GRM7: variants seen among roughly 807,000 people sequenced by gnomAD.
GRM7 encodes glutamate metabotropic receptor 7, also known as metabotropic glutamate receptor 7.
Under a neutral mutation model 84.5 loss-of-function variants are expected in GRM7, and 35 were observed. The observed-to-expected ratio is 0.41, with a 90% CI of 0.32 to 0.55. GRM7 has a LOEUF of 0.55. Among genes scored for constraint, GRM7 ranks in the 20% least tolerant of loss-of-function variants. The pLI, the probability that GRM7 is intolerant of heterozygous loss-of-function variation, is 0.19. For missense variants in GRM7, 1,003 were observed against 1,194.6 expected (o/e 0.84, Z 2.36); for synonymous variants, 487 against 455.1 (o/e 1.07, Z -0.89).
intron 2 of GRM7, among the ~76,000 whole-genome samples, chr3:7,273,807 T>A (rs542503977): frequency 6.6e-6 from 1 of 152,032 alleles, no homozygotes; most frequent in African/African-American, 2.4e-5. Flanking sequence ...TTGTTTTTGA[T>A]CCATTCTGAC....
intron 1 of GRM7, among the ~76,000 whole-genome samples, chr3:7,080,157 C>A (rs538508580): frequency 1.3e-5 from 2 of 151,998 alleles, no homozygotes; most frequent in African/African-American, 4.8e-5. Context: ...ACTGTCTTTC[C>A]CCCAGAAAAC....
chr3:7,404,182 G>T (rs976212454), intron 4 of GRM7, among the ~76,000 whole-genome samples: 60 of 152,222 alleles, frequency 3.9e-4, no homozygotes, highest in African/African-American at 1.3e-3. Context: ...CTATGTCAGG[G>T]ATAACTTCCT....
intron 7 of GRM7, among the ~76,000 whole-genome samples, chr3:7,465,715 CA>C (rs1698435577): frequency 6.6e-6 from 1 of 152,006 alleles, no homozygotes; most frequent in Non-Finnish European, 1.5e-5. Flanking sequence ...TTTCAATTCT[CA>C]GTTACATCAT....
chr3:6,882,207 T>C (rs549144447), intron 1 of GRM7, among the ~76,000 whole-genome samples: 4 of 152,226 alleles, frequency 2.6e-5, no homozygotes, highest in African/African-American at 7.2e-5. Flanking sequence ...AATGATGAAT[T>C]TGTGGAAAAT....
chr3:7,397,957 G>A (rs1695283069), intron 4 of GRM7, among the ~76,000 whole-genome samples: 1 of 152,092 alleles, frequency 6.6e-6, no homozygotes, highest in Admixed American at 6.6e-5. Flanking sequence ...CCAAAACGTG[G>A]ATGCACCCAA....
At chr3:7,249,318 A>C (rs960598178) in intron 2 of GRM7, among the ~76,000 whole-genome samples, 1 of 152,184 alleles carries the variant, frequency 6.6e-6, no homozygotes, top group Non-Finnish European at 1.5e-5. Flanking sequence ...CGTAAATGCT[A>C]GTGTACCATC....
At chr3:7,334,625 C>G (rs1701334232) in intron 4 of GRM7, among the ~76,000 whole-genome samples, 1 of 152,012 alleles carries the variant, frequency 6.6e-6, no homozygotes, top group Non-Finnish European at 1.5e-5. Flanking sequence ...TACAGAATGG[C>G]AGAACAGATT....
intron 5 of GRM7, among the ~76,000 whole-genome samples, chr3:7,436,672 CT>C (rs1280011148): frequency 6.6e-6 from 1 of 152,198 alleles, no homozygotes; most frequent in Non-Finnish European, 1.5e-5. Context: ...TACAATCAAA[CT>C]GCAAACTTGC....
chr3:7,284,070 C>G (rs974162216), intron 2 of GRM7, among the ~76,000 whole-genome samples: 6 of 152,104 alleles, frequency 3.9e-5, no homozygotes, highest in Non-Finnish European at 5.9e-5. Context: ...CTTAATTTGT[C>G]TCAATTGCAG....
chr3:6,982,049 T>A (rs1176133774), intron 1 of GRM7, among the ~76,000 whole-genome samples: 1 of 152,120 alleles, frequency 6.6e-6, no homozygotes, highest in Non-Finnish European at 1.5e-5. Context: ...TCAACCTAGG[T>A]ACCCATCAAC....
intron 2 of GRM7, among the ~76,000 whole-genome samples, chr3:7,270,644 G>A (rs911512757): frequency 6.6e-6 from 1 of 152,118 alleles, no homozygotes; most frequent in African/African-American, 2.4e-5. Context: ...TTGAAGACCA[G>A]CAGCTTCAGC....
rs1314405146 is a variant in GRM7 at position 7,644,136 on chromosome 3, GTATATATA to G, written c.2452-35911_2452-35904del. ...CTGTGCATGTTGTGTGTGTGTGTGT[GTATATATA>G]TGTCTGTACGTATATATATATATGT... On this transcript the variant is annotated intron_variant, in intron 8 of 9. Coordinates refer to ENST00000357716, the MANE Select transcript of GRM7 (RefSeq NM_000844.4). 3.5e-4 allele frequency among the ~76,000 whole-genome samples: 49 copies of G among 140,064 alleles called. 1 individual carries two copies. Among genetic ancestry groups the G allele is most frequent in the African/African-American group, 7.8e-4 (28 of 35,734 alleles). The allele number at this position is 140,064 out of a possible 152,430, so 91.9% of individuals were successfully genotyped here. A position where few individuals can be genotyped will look rare whatever the true frequency, so the allele number is the denominator to read the frequency against.
At chr3:7,111,665 C>T (rs567423827) in intron 1 of GRM7, among the ~76,000 whole-genome samples, 4 of 152,138 alleles carry the variant, frequency 2.6e-5, no homozygotes, top group Admixed American at 6.6e-5. Context: ...TGATTATTGC[C>T]GTTTGTTTTC....
intron 6 of GRM7, among the ~76,000 whole-genome samples, chr3:7,459,404 C>G (rs1698147655): frequency 6.6e-6 from 1 of 152,058 alleles, no homozygotes; most frequent in African/African-American, 2.4e-5. Flanking sequence ...GGGTTCAGGG[C>G]ATGTATTAAT....
Position 7,741,148 on chromosome 3 carries a change from A to C in GRM7, c.*742A>C, listed in dbSNP as rs1181007705. The C allele has an allele frequency of 6.6e-6, 1 of 152,598 alleles. No homozygotes were observed. Among genetic ancestry groups the C allele is most frequent in the Non-Finnish European group, 1.5e-5 (1 of 68,032 alleles). The allele number at this position is 152,598 out of a possible 1,614,324, so 9.5% of individuals were successfully genotyped here. On this transcript the variant is annotated 3_prime_UTR_variant, in exon 10 of 10. Transcript: ENST00000357716. ...ATAGAGGTCTTGATCTTTGGAATGC[A>C]TGCCAGTAATGTATTTTACAGTACA... is the stretch of plus-strand genomic sequence containing the variant.
chr3:7,465,692 T>C (rs1191730198), intron 7 of GRM7, among the ~76,000 whole-genome samples: 3 of 152,076 alleles, frequency 2.0e-5, no homozygotes, highest in Admixed American at 1.3e-4. Flanking sequence ...CTCACAAAGA[T>C]TCATGGGTAC....
intron 4 of GRM7, among the ~76,000 whole-genome samples, chr3:7,316,573 A>G (rs1488497359): frequency 6.6e-6 from 1 of 152,196 alleles, no homozygotes; most frequent in African/African-American, 2.4e-5. Context: ...GAAAAAATAT[A>G]TAAGAATGAC....
intron 9 of GRM7, among the ~76,000 whole-genome samples, chr3:7,731,639 G>A (rs1039614315): frequency 7.9e-5 from 12 of 152,176 alleles, no homozygotes; most frequent in Admixed American, 2.0e-4. Flanking sequence ...GGGAGAGGAG[G>A]CTGAGTCCTG....
intron 2 of GRM7, among the ~76,000 whole-genome samples, chr3:7,252,413 T>A (rs1188604590): frequency 6.6e-6 from 1 of 152,224 alleles, no homozygotes; most frequent in East Asian, 1.9e-4. Context: ...GGGATGTTGA[T>A]GGCCTGTTGA....
Sources: allele counts gnomAD v4.1 joint callset (sites outside exome capture counted in the v4.1 genomes callset), GRCh38; gene constraint gnomAD v4.1.1; transcripts MANE v1.5; gene names NCBI Gene and HGNC (gene_info 2026-07-23, HGNC 2026-07-21).